The following DDX51 variants were observed in gnomAD, a reference collection of about 807,000 sequenced individuals.
DDX51 encodes ATP-dependent RNA helicase DDX51.
Under a neutral mutation model 74.6 loss-of-function variants are expected in DDX51, and 67 were observed. The observed-to-expected ratio is 0.90, with a 90% CI of 0.74 to 1.10. The LOEUF is 1.10. Among genes scored for constraint, DDX51 ranks in the 50% least tolerant of loss-of-function variants. DDX51 has a pLI of 0.00. For missense variants in DDX51, 1,056 were observed against 905.2 expected (o/e 1.17, Z -2.14); for synonymous variants, 545 against 402.9 (o/e 1.35, Z -4.22).
At chr12:132,143,147 C>T (rs1460197251) in intron 2 of DDX51, 12 of 491,934 alleles carry the variant, frequency 2.4e-5, no homozygotes, top group Non-Finnish European at 4.4e-5. Context: ...ACCTGGCGCT[C>T]GCCTGCCCCA....
chr12:132,140,802 A>T lies in DDX51; in HGVS notation c.1440+29T>A. On this transcript the variant is annotated intron_variant, in intron 9 of 14. Transcript: ENST00000397333. ...TTAGGGGCCCCAGGTTCCCAGTGCAACCCTCTGCCCACACGGTATCCCACT... is the reference window on the plus strand; with the variant it reads ...TTAGGGGCCCCAGGTTCCCAGTGCATCCCTCTGCCCACACGGTATCCCACT... 3 of 1,613,012 alleles carry T rather than the reference A, an allele frequency of 1.9e-6. No homozygotes were observed. The South Asian group carries it at 3.3e-5, about 18-fold the overall frequency.
rs372989804 is a variant in DDX51 at position 132,142,179 on chromosome 12, C to T, written c.828G>A (p.Ser276=). 8.3e-6 allele frequency: 13 copies of T among 1,558,940 alleles called. No homozygotes were observed. Among genetic ancestry groups the T allele is most frequent in the Middle Eastern group, 1.7e-4 (1 of 5,794 alleles). ...GGGCACGGATGTGGCAGACCACTCT[C>T]GAAAGCAGGGCCTGAGGGGGAAGGA... is the stretch of plus-strand genomic sequence containing the variant. The part of the protein sequence containing the change: ...FVIPVVQALL[S]RVVCHIRALV... The change falls in exon 5 of 15, where the codon TCG becomes TCA. Residue 276 remains serine (S), a synonymous_variant. Coordinates refer to ENST00000397333, the MANE Select transcript of DDX51 (RefSeq NM_175066.4).
At chr12:132,142,068 C>A in intron 5 of DDX51, 51 bp downstream of exon 5, 1 of 1,576,086 alleles carries the variant, frequency 6.3e-7, no homozygotes, top group Non-Finnish European at 8.6e-7. Context: ...GTGCACTCAG[C>A]AGGGAAGCTG....
intron 5 of DDX51, 38 bp from the exon 6 acceptor site, chr12:132,141,994 G>A (rs1254040643): frequency 6.2e-7 from 1 of 1,610,138 alleles, no homozygotes; most frequent in Admixed American, 1.7e-5. Flanking sequence ...GAGGTAGCTG[G>A]TGTCCACCTA....
Position 132,139,471 on chromosome 12 carries a change from C to CA in DDX51, c.1974+163dup. 7 of 1,536,462 alleles carry CA rather than the reference C, an allele frequency of 4.6e-6. No homozygotes were observed. The Admixed American group carries it at 1.2e-4, about 26-fold the overall frequency. On this transcript the variant is annotated intron_variant, in intron 14 of 14. Coordinates refer to ENST00000397333, the MANE Select transcript of DDX51 (RefSeq NM_175066.4). The stretch of plus-strand genomic sequence containing the variant: ...GCCACGTGTTTCCACCACTGGTGCC[C>CA]AGGGGCTCCCCGCCCTTGGGCCAGA...
rs760512765 is a variant in DDX51, at chr12:132,139,815, T to A, written c.1839+46A>T. The A allele has an allele frequency of 8.1e-6, 13 of 1,612,828 alleles. No homozygotes were observed. In the South Asian group the frequency reaches 1.2e-4, roughly 15 times the overall value. ...GAAGGGGGTTCTTGGGCCAGCCCCT[T>A]AACACCCACCAACAGCAGAAACTCC... On this transcript the variant is annotated intron_variant, in intron 13 of 14. Coordinates refer to ENST00000397333, the MANE Select transcript of DDX51 (RefSeq NM_175066.4).
In DDX51 at chr12:132,144,084, C is replaced by G. The variant is rs1284326686; in HGVS notation, c.213G>C (p.Arg71=). 1.6e-6 allele frequency: 2 copies of G among 1,233,360 alleles called. No individual in the cohort carries two copies. Among genetic ancestry groups the G allele is most frequent in the Non-Finnish European group, 2.0e-6 (2 of 989,792 alleles). The allele number at this position is 1,233,360 out of a possible 1,614,324, so 76.4% of individuals were successfully genotyped here. A position where few individuals can be genotyped will look rare whatever the true frequency, so the allele number is the denominator to read the frequency against. The stretch of plus-strand genomic sequence containing the variant: ...CCGCGTCGTTCACCCGCCGCCGCCG[C>G]CGGGGCCGCCGTCGCCTCCTGGTCG... ...EPATRRRRRP[R]RRRRVNDAEP... is the part of the protein sequence containing the mutation. Residue 71 remains arginine, a synonymous_variant, in exon 1 of 15, where the codon CGG becomes CGC. Transcript: ENST00000397333.
rs1460667080 is a variant in DDX51 at position 132,142,771 on chromosome 12, C to T, written c.627G>A (p.Leu209=). The T allele has an allele frequency of 1.2e-6, 2 of 1,613,044 alleles. No homozygotes were observed. Among genetic ancestry groups the T allele is most frequent in the South Asian group, 1.1e-5 (1 of 91,076 alleles). The stretch of plus-strand genomic sequence containing the variant: ...TGCCGTGTGCCCGCAGCTGCTTCTG[C>T]AGGTCAGGATGGACGTCAGGGATGT... ...IEDIPDVHPD[L]QKQLRAHGIS... The change falls in exon 3 of 15, where the codon CTG becomes CTA. Residue 209 remains leucine (L), a synonymous_variant. Coordinates refer to ENST00000397333, the MANE Select transcript of DDX51 (RefSeq NM_175066.4).
In DDX51 at chr12:132,142,304, T is replaced by G; in HGVS notation, c.789A>C (p.Thr263=). Residue 263 remains threonine, a synonymous_variant, in exon 4 of 15, where the codon ACA becomes ACC. Transcript: ENST00000397333. ...GCACCACAGGGATGACGAAGGCCAG[T>G]GTCTTCCCACTGCCTGTTGGGGCAG... ...CVSAPTGSGK[T]LAFVIPVVQA... 1.9e-6 allele frequency: 3 copies of G among 1,613,134 alleles called. No individual in the cohort carries two copies. Among genetic ancestry groups the G allele is most frequent in the African/African-American group, 1.3e-5 (1 of 75,058 alleles).
rs1353925166 is a variant in DDX51, at chr12:132,140,128, G to A, written c.1745C>T (p.Ala582Val). 1.9e-6 allele frequency: 3 copies of A among 1,612,752 alleles called. No individual in the cohort carries two copies. The highest frequency in any genetic ancestry group is 2.5e-6 in the Non-Finnish European group (3 of 1,179,940). Residue 582 changes from alanine (A) to valine (V), a missense_variant, in exon 12 of 15, where the codon GCC becomes GTC. Transcript: ENST00000397333. The stretch of plus-strand genomic sequence containing the variant: ...CACGTAGGTTCTCAGGTACTGGGGG[G>A]CGTCGTAGTTCACCACCAGCTCCAC... ...QGVELVVNYD[A>V]PQYLRTYVHR...
intron 2 of DDX51, chr12:132,143,325 C>T (rs566333399): frequency 4.6e-6 from 2 of 432,722 alleles, no homozygotes; most frequent in South Asian, 2.5e-5. Context: ...CCTGTCTCGC[C>T]GGAAATCTCT....
chr12:132,143,938 C>T, intron 1 of DDX51, 29 bp from the exon 2 acceptor site: 1 of 1,482,172 alleles, frequency 6.7e-7, no homozygotes. Flanking sequence ...CCCGGCAGCG[C>T]GTCAGCACCG....
In DDX51 at chr12:132,138,953, GCCC is replaced by G. The variant is rs1897348717; in HGVS notation, c.*316_*318del. ...TTTTTAACATTAGCTCAAGGTTAAT[GCCC>G]CCAACTCTCAGCAAAAGCATGACGG... On this transcript the variant is annotated 3_prime_UTR_variant, in exon 15 of 15. Coordinates refer to ENST00000397333, the MANE Select transcript of DDX51 (RefSeq NM_175066.4). The G allele has an allele frequency of 2.4e-6, 1 of 409,182 alleles. No homozygotes were observed. The highest frequency in any genetic ancestry group is 6.5e-4 in the Middle Eastern group (1 of 1,546). The allele number at this position is 409,182 out of a possible 1,614,324, so 25.3% of individuals were successfully genotyped here. A position where few individuals can be genotyped will look rare whatever the true frequency, so the allele number is the denominator to read the frequency against.
At position 132,140,711 on chromosome 12, in the gene DDX51, T is replaced by C. The variant is rs1270214693; in HGVS notation, c.1465A>G (p.Ser489Gly). The stretch of plus-strand genomic sequence containing the variant: ...TGCAGGACGACCAGCGGCTTAGAGC[T>C]GAGGCTGCAGGGCACGTAGTGGTGC... ...LTHHYVPCSL[S>G]SKPLVVLHLV... The change falls in exon 10 of 15, where the codon AGC (serine) becomes GGC (glycine). Residue 489 changes from serine (S) to glycine (G), a missense_variant. Transcript: ENST00000397333. 2 of 1,612,992 alleles carry C rather than the reference T, an allele frequency of 1.2e-6. No homozygotes were observed. The highest frequency in any genetic ancestry group is 8.5e-7 in the Non-Finnish European group (1 of 1,180,004).
In DDX51 at chr12:132,137,699, T is replaced by C. The variant is rs1319258988; in HGVS notation, c.*1573A>G. 6.6e-6 allele frequency: 1 copy of C among 152,256 alleles called. No homozygotes were observed. Among genetic ancestry groups the C allele is most frequent in the Non-Finnish European group, 1.5e-5 (1 of 68,054 alleles). The allele number at this position is 152,256 out of a possible 1,614,324, so 9.4% of individuals were successfully genotyped here. ...GCGTCTCCCTGGCGGTTAGTGATGTTGGCATCATCCACCTTTTTCAAACAA... is the reference window on the plus strand; with the variant it reads ...GCGTCTCCCTGGCGGTTAGTGATGTCGGCATCATCCACCTTTTTCAAACAA... On this transcript the variant is annotated 3_prime_UTR_variant, in exon 15 of 15. Transcript: ENST00000397333.
chr12:132,139,722 C>T lies in DDX51; in HGVS notation c.1887G>A (p.Leu629=). 1 of 1,613,090 alleles carries T rather than the reference C, an allele frequency of 6.2e-7. No individual in the cohort carries two copies. The highest frequency in any genetic ancestry group is 1.1e-5 in the South Asian group (1 of 91,082). Residue 629 remains leucine (L), a synonymous_variant, in exon 14 of 15, where the codon TTG becomes TTA. Transcript: ENST00000397333. Reference sequence around the variant, plus strand: ...GCTTGCTGGAGAGCTCGTGCCGCTGCAACTCAGGTGCCCCAGCTTCAGTTA... The same window carrying T: ...GCTTGCTGGAGAGCTCGTGCCGCTGTAACTCAGGTGCCCCAGCTTCAGTTA... ...RMLTEAGAPE[L]QRHELSSKLL... is the part of the protein sequence containing the mutation.
chr12:132,140,062 C>G (rs765712733), intron 12 of DDX51, 36 bp downstream of exon 12: 1 of 1,608,080 alleles, frequency 6.2e-7, no homozygotes, highest in Non-Finnish European at 8.5e-7. Context: ...CTCACAAAGC[C>G]CCAGACCCCC....
rs775143802 is a variant in DDX51, at chr12:132,139,695, C to T, written c.1914G>A (p.Leu638=). Residue 638 remains leucine (L), a synonymous_variant, in exon 14 of 15, where the codon CTG becomes CTA. Coordinates refer to ENST00000397333, the MANE Select transcript of DDX51 (RefSeq NM_175066.4). ...ELQRHELSSK[L]LQPLVPRYEE... ...CGTACCGAGGAACCAGCGGCTGCAG[C>T]AGCTTGCTGGAGAGCTCGTGCCGCT... 6.2e-6 allele frequency: 10 copies of T among 1,613,018 alleles called. No individual in the cohort carries two copies. The highest frequency in any genetic ancestry group is 8.5e-6 in the Non-Finnish European group (10 of 1,180,004).
chr12:132,140,664 G>A lies in DDX51; in HGVS notation c.1512C>T (p.Phe504=), dbSNP rs1159573521. ...VVLHLVLEMG[F]SRVLCFTNSR... ...AGTTAGTGAAGCAGAGAACCCTCGA[G>A]AAGCCCATCTCCAGGACCAGGTGCA... The change falls in exon 10 of 15, where the codon TTC becomes TTT. Residue 504 remains phenylalanine, a synonymous_variant. Transcript: ENST00000397333. 1.2e-6 allele frequency: 2 copies of A among 1,612,934 alleles called. No homozygotes were observed. The highest frequency in any genetic ancestry group is 1.3e-5 in the African/African-American group (1 of 74,942).
Sources: gnomAD v4.1 joint callset for allele counts on GRCh38, gnomAD v4.1.1 for gene constraint, MANE v1.5 for transcripts, NCBI Gene and HGNC (gene_info 2026-07-23, HGNC 2026-07-21) for gene names.